Variants in IQSEC1 observed in about 807,000 individuals in gnomAD.
The protein encoded by IQSEC1 is IQ motif and Sec7 domain ArfGEF 1, also known as IQ motif and SEC7 domain-containing protein 1.
A neutral mutation model predicts 91.0 loss-of-function variants in IQSEC1; 31 were observed. The ratio of observed to expected loss-of-function variants is 0.34; its 90% CI spans 0.26 to 0.46. IQSEC1 has a LOEUF of 0.46. IQSEC1 is among the 20% of genes least tolerant of loss of function. IQSEC1 has a pLI of 1.00. For missense variants in IQSEC1, 1,388 were observed against 1,575.6 expected, an observed-to-expected ratio of 0.88 and a Z score of 2.02; for synonymous variants, 699 against 662.6, an observed-to-expected ratio of 1.05 and a Z score of -0.84.
At chr3:13,222,178 TTC>T (rs1233224834) in intron 1 of IQSEC1, among the ~76,000 whole-genome samples, 1 of 139,112 alleles carries the variant, frequency 7.2e-6, no homozygotes, top group Non-Finnish European at 1.6e-5. Flanking sequence ...CCATTCCACT[TTC>T]TGTCTCCGTG....
chr3:13,252,089 C>G (rs1002514188), intron 1 of IQSEC1, among the ~76,000 whole-genome samples: 4 of 152,190 alleles, frequency 2.6e-5, no homozygotes, highest in African/African-American at 9.7e-5. Context: ...GTGTACAGTT[C>G]AGTGGACTAA....
chr3:12,973,346 C>G (rs966046591), intron 1 of IQSEC1, among the ~76,000 whole-genome samples: 2 of 152,234 alleles, frequency 1.3e-5, no homozygotes, highest in African/African-American at 4.8e-5. Context: ...GATTGGCAAT[C>G]TCTTATTCAA....
At chr3:13,254,001 C>T (rs1292888489) in intron 1 of IQSEC1, among the ~76,000 whole-genome samples, 1 of 152,322 alleles carries the variant, frequency 6.6e-6, no homozygotes, top group South Asian at 2.1e-4. Context: ...GGTGATGCGC[C>T]ACTCAGGCAG....
chr3:13,127,442 CAA>C (rs879741910), intron 2 of IQSEC1, among the ~76,000 whole-genome samples: 2 of 128,684 alleles, frequency 1.6e-5, no homozygotes, highest in African/African-American at 5.8e-5. Context: ...AACAAACAAA[CAA>C]AAAAAAAAAA....
intron 10 of IQSEC1, 90 bp downstream of exon 10, chr3:12,911,538 GC>G (rs1188741177): frequency 7.5e-6 from 7 of 938,544 alleles, no homozygotes; most frequent in Admixed American, 5.2e-5. Flanking sequence ...GAGCGTCGAA[GC>G]CCCCCGCGGT....
At chr3:13,254,715 G>A (rs896140005) in intron 1 of IQSEC1, among the ~76,000 whole-genome samples, 3 of 152,178 alleles carry the variant, frequency 2.0e-5, no homozygotes, top group Admixed American at 6.5e-5. Context: ...TCAAGTCCAG[G>A]TTCTACCACT....
chr3:12,937,020 C>T (rs910460982), intron 2 of IQSEC1, among the ~76,000 whole-genome samples: 2 of 151,984 alleles, frequency 1.3e-5, no homozygotes, highest in Admixed American at 1.3e-4. Context: ...GCAACCTCCG[C>T]CTCCTGGGTT....
intron 1 of IQSEC1, among the ~76,000 whole-genome samples, chr3:13,062,717 T>G (rs539046988): frequency 3.3e-5 from 5 of 151,996 alleles, no homozygotes; most frequent in African/African-American, 1.2e-4. Context: ...GGAGAGCAAA[T>G]GGGAGGAAAA....
In IQSEC1 at chr3:13,280,981, G is replaced by A. The variant is rs1174981084; in HGVS notation, c.272+1730C>T. 2.0e-5 allele frequency among the ~76,000 whole-genome samples: 3 copies of A among 152,234 alleles called. No individual in the cohort carries two copies. The East Asian group carries it at 5.8e-4, about 29-fold the overall frequency. On this transcript the variant is annotated intron_variant, in intron 1 of 15. Transcript: ENST00000648114. Reference sequence around the variant, plus strand: ...CTGCCTGGATGCAACCCAGGGGGATGCCCCACGGAAGGACGACGTGCTCCC... The same window carrying A: ...CTGCCTGGATGCAACCCAGGGGGATACCCCACGGAAGGACGACGTGCTCCC...
At chr3:13,002,739 G>T (rs762939878) in intron 1 of IQSEC1, among the ~76,000 whole-genome samples, 2 of 152,184 alleles carry the variant, frequency 1.3e-5, no homozygotes, top group Admixed American at 6.5e-5. Flanking sequence ...ATGAAAAGAT[G>T]TTCCACATCA....
In IQSEC1 at chr3:12,909,133, T is replaced by C; in HGVS notation, c.2578+140A>G. 1.2e-6 allele frequency: 1 copy of C among 859,668 alleles called. No homozygotes were observed. Among genetic ancestry groups the C allele is most frequent in the South Asian group, 1.6e-5 (1 of 61,018 alleles). 53.3% of individuals were successfully genotyped at this position (859,668 alleles called of 1,614,324 possible). A position where few individuals can be genotyped will look rare whatever the true frequency, so the allele number is the denominator to read the frequency against. On this transcript the variant is annotated intron_variant, in intron 11 of 13. Coordinates refer to ENST00000613206, the MANE Select transcript of IQSEC1 (RefSeq NM_001134382.3). The surrounding 1 kb of genome is among the most constrained non-coding windows in gnomAD (Gnocchi z 4.9). ...CAGCCTGGGAACACAGACTGCCCCA[T>C]CATGTGGCCATAGGGAAGGCCAGAA...
chr3:13,271,240 G>A (rs752514791), intron 1 of IQSEC1, among the ~76,000 whole-genome samples: 1 of 152,094 alleles, frequency 6.6e-6, no homozygotes, highest in African/African-American at 2.4e-5. Flanking sequence ...AGCCAGACGT[G>A]GTGGCAGGAG....
chr3:13,187,884 G>A (rs762680835), intron 1 of IQSEC1, among the ~76,000 whole-genome samples: 3 of 152,180 alleles, frequency 2.0e-5, no homozygotes, highest in Non-Finnish European at 2.9e-5. Flanking sequence ...GGAGGCCTCT[G>A]TGTAACCTCT....
chr3:13,179,009 A>C (rs1400813044), intron 1 of IQSEC1, among the ~76,000 whole-genome samples: 3 of 152,228 alleles, frequency 2.0e-5, no homozygotes, highest in Non-Finnish European at 4.4e-5. Flanking sequence ...CTTATTCATC[A>C]TGATGGCTTC....
At chr3:13,246,441 T>C (rs542669288) in intron 1 of IQSEC1, among the ~76,000 whole-genome samples, 1 of 152,280 alleles carries the variant, frequency 6.6e-6, no homozygotes, top group Admixed American at 6.5e-5. Context: ...GTGGGGACGG[T>C]GGCACATCAG....
At chr3:13,121,729 G>A (rs1048513726) in intron 2 of IQSEC1, among the ~76,000 whole-genome samples, 6 of 152,224 alleles carry the variant, frequency 3.9e-5, no homozygotes, top group African/African-American at 1.4e-4. Flanking sequence ...GAATGGGGCA[G>A]GTCAGTTCCA....
At chr3:13,218,575 G>C (rs1236678666) in intron 1 of IQSEC1, among the ~76,000 whole-genome samples, 2 of 152,244 alleles carry the variant, frequency 1.3e-5, no homozygotes, top group African/African-American at 2.4e-5. Context: ...CATGACTGGG[G>C]AAAAGGGAAA....
chr3:13,109,415 A>G (rs1236856212), intron 2 of IQSEC1, among the ~76,000 whole-genome samples: 1 of 152,156 alleles, frequency 6.6e-6, no homozygotes, highest in Non-Finnish European at 1.5e-5. Flanking sequence ...CTCATATCCA[A>G]GCTCTGCCAC....
At chr3:13,278,929 G>T (rs775174842) in intron 1 of IQSEC1, among the ~76,000 whole-genome samples, 3 of 152,156 alleles carry the variant, frequency 2.0e-5, no homozygotes, top group Non-Finnish European at 4.4e-5. Context: ...CTTGGGCAAG[G>T]CCATGATTTC....
Sources: gnomAD v4.1 joint callset for allele counts (sites outside exome capture counted in the v4.1 genomes callset) on GRCh38, gnomAD v4.1.1 for gene constraint, Gnocchi (gnomAD v3.1) non-coding constraint, MANE v1.5 for transcripts, NCBI Gene and HGNC (gene_info 2026-07-23, HGNC 2026-07-21) for gene names.